Variants in CATSPERE observed in about 807,000 individuals in gnomAD.
The protein encoded by CATSPERE is catsper channel auxiliary subunit epsilon.
CATSPERE carries 93 observed loss-of-function variants against 114.1 expected under a neutral mutation model. The ratio of observed to expected loss-of-function variants is 0.81; its 90% CI spans 0.69 to 0.97. The LOEUF is 0.97. CATSPERE is among the 50% of genes least tolerant of loss of function. The probability of loss-of-function intolerance (pLI) is 0.00; values close to 1 mark genes in which losing one functional copy is unlikely to be tolerated. For synonymous variants in CATSPERE, 341 were observed against 384.1 expected (o/e 0.89, Z 1.31); for missense variants, 1,058 against 1,131.6 (o/e 0.93, Z 0.93).
chr1:244,529,572 T>G (rs1269987809), intron 8 of CATSPERE, among the ~76,000 whole-genome samples: 1 of 152,214 alleles, frequency 6.6e-6, no homozygotes, highest in East Asian at 1.9e-4. Flanking sequence ...ATTAATCCCT[T>G]GTCAGATGGA....
At chr1:244,638,728 A>G (rs1490844881) in intron 21 of CATSPERE, among the ~76,000 whole-genome samples, 1 of 152,210 alleles carries the variant, frequency 6.6e-6, no homozygotes, top group African/African-American at 2.4e-5. Flanking sequence ...GCAATTACAT[A>G]TAGCCATATG....
At chr1:244,509,136 C>G (rs1490264506) in intron 7 of CATSPERE, among the ~76,000 whole-genome samples, 1 of 151,816 alleles carries the variant, frequency 6.6e-6, no homozygotes, top group Non-Finnish European at 1.5e-5. Context: ...CATCCTTCAT[C>G]CTTGTTTTGA....
intron 8 of CATSPERE, among the ~76,000 whole-genome samples, chr1:244,528,564 T>C (rs868400412): frequency 1.3e-5 from 2 of 152,244 alleles, no homozygotes; most frequent in Middle Eastern, 3.4e-3. Context: ...GATTATGATA[T>C]AGGCATACAA....
chr1:244,516,327 C>G (rs1676608381), intron 7 of CATSPERE, among the ~76,000 whole-genome samples: 1 of 150,296 alleles, frequency 6.7e-6, no homozygotes, highest in Non-Finnish European at 1.5e-5. Flanking sequence ...CAATATGTAT[C>G]AAGAGAGTTT....
intron 8 of CATSPERE, among the ~76,000 whole-genome samples, chr1:244,522,682 T>C (rs1234512365): frequency 6.6e-6 from 1 of 152,108 alleles, no homozygotes; most frequent in Non-Finnish European, 1.5e-5. Flanking sequence ...AAATACAAAC[T>C]ACCATCAGAG....
intron 10 of CATSPERE, among the ~76,000 whole-genome samples, chr1:244,564,255 G>A (rs1663057439): frequency 6.6e-6 from 1 of 152,110 alleles, no homozygotes; most frequent in Non-Finnish European, 1.5e-5. Flanking sequence ...GGTTCCATAT[G>A]AAATTTAAAG....
chr1:244,572,462 C>G lies in CATSPERE; in HGVS notation c.1640C>G (p.Ser547Cys), dbSNP rs757424296. The G allele has an allele frequency of 6.2e-7, 1 of 1,614,004 alleles. No individual in the cohort carries two copies. Among genetic ancestry groups the G allele is most frequent in the East Asian group, 2.2e-5 (1 of 44,870 alleles). ...TTRAFIFLST[S>C]GQTYFLYALD... is the part of the protein sequence containing the mutation. ...AGAGCATTCATTTTCTTAAGTACAT[C>G]TGGTCAAACATATTTCCTGTATGCT... Residue 547 changes from serine (S) to cysteine (C), a missense_variant, in exon 11 of 22, where the codon TCT becomes TGT. Around this residue, in one of 2 missense-constraint regions of CATSPERE, gnomAD observed 787 missense variants for 905.6 expected, o/e 0.87. Transcript: ENST00000366534.
At chr1:244,614,457 TACA>T (rs1671124021) in intron 19 of CATSPERE, among the ~76,000 whole-genome samples, 2 of 152,366 alleles carry the variant, frequency 1.3e-5, no homozygotes, top group East Asian at 3.9e-4. Context: ...TACAGGTCCA[TACA>T]ACTCTACGCA....
At chr1:244,528,803 A>G (rs1344400120) in intron 8 of CATSPERE, among the ~76,000 whole-genome samples, 4 of 150,796 alleles carry the variant, frequency 2.7e-5, no homozygotes, top group African/African-American at 9.8e-5. Flanking sequence ...ACACACACAC[A>G]CACACACACA....
At chr1:244,455,166 T>TG (rs1666016851) in intron 1 of CATSPERE, among the ~76,000 whole-genome samples, 1 of 152,280 alleles carries the variant, frequency 6.6e-6, no homozygotes, top group South Asian at 2.1e-4. Flanking sequence ...CTCTTGACAG[T>TG]GGGGGGTCTG....
Position 244,640,143 on chromosome 1 carries a change from G to A in CATSPERE, c.*62G>A. 1.5e-6 allele frequency: 2 copies of A among 1,299,316 alleles called. No individual in the cohort carries two copies. The highest frequency in any genetic ancestry group is 2.1e-6 in the Non-Finnish European group (2 of 943,212). The allele number at this position is 1,299,316 out of a possible 1,614,324, so 80.5% of individuals were successfully genotyped here. ...ATAGAGAAACAGTGTATTACATAGT[G>A]ATATTGAGAGTGTGTGTTTGACCAA... On this transcript the variant is annotated 3_prime_UTR_variant, in exon 22 of 22. Transcript: ENST00000366534.
At chr1:244,540,975 C>T (rs1420210835) in intron 8 of CATSPERE, among the ~76,000 whole-genome samples, 52 of 49,870 alleles carry the variant, frequency 1.0e-3, no homozygotes, top group African/African-American at 2.8e-3. Context: ...GAAACTGGAT[C>T]CCTTCCTTAC....
At chr1:244,490,372 A>T (rs918481462) in intron 5 of CATSPERE, 75 bp from the exon 6 acceptor site, 17 of 977,136 alleles carry the variant, frequency 1.7e-5, no homozygotes, top group Non-Finnish European at 2.7e-5. Flanking sequence ...AGAAACATGT[A>T]TCTTGAAAGT....
intron 1 of CATSPERE, among the ~76,000 whole-genome samples, chr1:244,462,006 A>G (rs1490367497): frequency 1.3e-5 from 2 of 152,086 alleles, no homozygotes; most frequent in Non-Finnish European, 2.9e-5. Flanking sequence ...TGGTAGAGAC[A>G]GGGTCTCACA....
chr1:244,520,109 C>A (rs530911069), intron 8 of CATSPERE, among the ~76,000 whole-genome samples: 1 of 152,258 alleles, frequency 6.6e-6, no homozygotes, highest in South Asian at 2.1e-4. Context: ...CTTCATGATA[C>A]CCTTAAAGCA....
At chr1:244,480,612 T>C (rs1341364735) in intron 5 of CATSPERE, among the ~76,000 whole-genome samples, 1 of 56,208 alleles carries the variant, frequency 1.8e-5, no homozygotes, top group African/African-American at 5.6e-5. Context: ...ATCAGAATAC[T>C]CATGTCTTCA....
rs185237639 is a variant in CATSPERE, at chr1:244,474,631, G to A, written c.115-2910G>A. Among the ~76,000 whole-genome samples, 278 of 151,144 alleles carry A rather than the reference G, an allele frequency of 1.8e-3. 1 individual carries two copies. Among genetic ancestry groups the A allele is most frequent in the Non-Finnish European group, 3.5e-3 (236 of 67,762 alleles). On this transcript the variant is annotated intron_variant, in intron 2 of 21. Coordinates refer to ENST00000366534, the MANE Select transcript of CATSPERE (RefSeq NM_001130957.2). ...CAAACATTTTGGTTTTCCTCTTCAG[G>A]ATCTCTGGATATATGTATATTGGAT...
intron 5 of CATSPERE, among the ~76,000 whole-genome samples, chr1:244,489,450 A>ATT (rs10524749): frequency 0.042 from 3,594 of 85,394 alleles, 408 homozygotes; most frequent in Non-Finnish European, 0.055. Context: ...AAGCATGCAG[A>ATT]TTTTTTTTTT....
intron 2 of CATSPERE, among the ~76,000 whole-genome samples, chr1:244,475,499 G>A (rs546976296): frequency 2.0e-5 from 3 of 150,412 alleles, no homozygotes; most frequent in Admixed American, 2.0e-4. Flanking sequence ...CTCCCAAAGT[G>A]CTGGGATTAC....
Sources: allele counts gnomAD v4.1 joint callset (sites outside exome capture counted in the v4.1 genomes callset), GRCh38; gene constraint gnomAD v4.1.1; regional missense constraint gnomAD v4.1.1; transcripts MANE v1.5; gene names NCBI Gene and HGNC (gene_info 2026-07-23, HGNC 2026-07-21).